PDE1C: variants seen among roughly 807,000 people sequenced by gnomAD.
PDE1C encodes phosphodiesterase 1C.
A neutral mutation model predicts 93.1 loss-of-function variants in PDE1C; 62 were observed. The observed-to-expected ratio is 0.67, with a 90% CI of 0.54 to 0.82. The LOEUF (loss-of-function observed/expected upper bound fraction) is 0.82, where lower values mean the gene tolerates loss of function less well. Ranked by LOEUF, PDE1C falls within the 40% of genes least tolerant of loss-of-function variation. The pLI is 0.00. For missense variants in PDE1C, 742 were observed against 884.6 expected (o/e 0.84, Z 2.04); for synonymous variants, 325 against 310.1 (o/e 1.05, Z -0.50).
the PDE1C span, among the ~76,000 whole-genome samples, chr7:31,625,714 T>G: frequency 6.6e-6 from 1 of 152,126 alleles, no homozygotes; most frequent in Non-Finnish European, 1.5e-5. Context: ...ATGTCACATG[T>G]ATACATATGT....
rs182740793 is a variant in PDE1C at position 31,922,049 on chromosome 7, C to A, written c.129-41189G>T. Reference sequence around the variant, plus strand: ...TAGGTGGTAGAGATAAAATCCGAAACCTGTCAGCCTCCAAAACTCACCTCT... The same window carrying A: ...TAGGTGGTAGAGATAAAATCCGAAAACTGTCAGCCTCCAAAACTCACCTCT... On this transcript the variant is annotated intron_variant, in intron 2 of 17. Transcript: ENST00000396191. Among the ~76,000 whole-genome samples, 572 of 152,242 alleles carry A rather than the reference C, an allele frequency of 3.8e-3. 6 individuals are homozygous for A. Among genetic ancestry groups the A allele is most frequent in the African/African-American group, 0.013 (552 of 41,558 alleles).
At chr7:32,361,729 C>T (rs1868773) in intron 1 of PDE1C, among the ~76,000 whole-genome samples, 12,616 of 152,202 alleles carry the variant, frequency 0.083, 590 homozygotes, top group African/African-American at 0.12. Flanking sequence ...TCCCCTGGCA[C>T]TTTGTACATC....
At chr7:32,293,886 G>C (rs1293116944) in intron 1 of PDE1C, among the ~76,000 whole-genome samples, 1 of 152,176 alleles carries the variant, frequency 6.6e-6, no homozygotes, top group South Asian at 2.1e-4. Context: ...CTGCCTGCTT[G>C]TCTAAGCAGG....
intron 3 of PDE1C, among the ~76,000 whole-genome samples, chr7:32,161,359 T>C (rs573372259): frequency 6.6e-6 from 1 of 152,310 alleles, no homozygotes; most frequent in Non-Finnish European, 1.5e-5. Context: ...ACACCCGTGA[T>C]CTCACTGCCA....
At chr7:31,738,433 G>T in the PDE1C span, among the ~76,000 whole-genome samples, 2 of 152,190 alleles carry the variant, frequency 1.3e-5, no homozygotes, top group Non-Finnish European at 2.9e-5. Context: ...TAGATCTCCC[G>T]AGACTTATTC....
At chr7:31,716,854 T>C in the PDE1C span, among the ~76,000 whole-genome samples, 37 of 152,304 alleles carry the variant, frequency 2.4e-4, 1 homozygote, top group East Asian at 4.8e-3. Context: ...GTGGGCATGT[T>C]GACACTGCCA....
chr7:31,794,042 A>G lies in PDE1C; in HGVS notation c.1891+14989T>C, dbSNP rs774789388. ...TAGATAGATAGATAGATAGATAGAT[A>G]GACAGACAGACAGACAGACAGACAG... is the stretch of plus-strand genomic sequence containing the variant. On this transcript the variant is annotated intron_variant, in intron 16 of 17. Transcript: ENST00000396191. 3.7e-3 allele frequency among the ~76,000 whole-genome samples: 317 copies of G among 84,562 alleles called. 2 individuals carry two copies. The highest frequency in any genetic ancestry group is 6.5e-3 in the African/African-American group (121 of 18,602). 55.5% of individuals were successfully genotyped at this position (84,562 alleles called of 152,430 possible).
chr7:31,696,146 A>G, the PDE1C span: 1 of 152,332 alleles, frequency 6.6e-6, no homozygotes, highest in Non-Finnish European at 1.5e-5. Flanking sequence ...AACAGCTAAC[A>G]TGTCTCTGTA....
At chr7:32,012,775 G>A (rs939269656) in intron 2 of PDE1C, among the ~76,000 whole-genome samples, 1 of 152,136 alleles carries the variant, frequency 6.6e-6, no homozygotes, top group African/African-American at 2.4e-5. Context: ...CAATAAAGCT[G>A]ATTTTAAAAT....
intron 1 of PDE1C, among the ~76,000 whole-genome samples, chr7:32,250,409 G>T (rs893844613): frequency 1.3e-4 from 20 of 152,110 alleles, no homozygotes; most frequent in Non-Finnish European, 4.4e-5. Flanking sequence ...ACCTGGGGAG[G>T]GAGCCTGTTA....
chr7:32,332,649 G>A (rs1440353214), intron 1 of PDE1C, among the ~76,000 whole-genome samples: 2 of 152,110 alleles, frequency 1.3e-5, no homozygotes, highest in South Asian at 2.1e-4. Flanking sequence ...CTATCCACAA[G>A]AGAATGAATA....
chr7:32,055,893 T>C (rs1206988699), intron 1 of PDE1C, among the ~76,000 whole-genome samples: 3 of 152,132 alleles, frequency 2.0e-5, no homozygotes, highest in African/African-American at 7.2e-5. Context: ...CTAAGTTTTG[T>C]ATTTTTAGTA....
intron 1 of PDE1C, among the ~76,000 whole-genome samples, chr7:32,416,573 A>G (rs890806848): frequency 3.3e-5 from 5 of 152,172 alleles, no homozygotes; most frequent in Admixed American, 1.3e-4. Context: ...ATACAATTTC[A>G]TCAGCTAGCC....
At position 32,192,173 on chromosome 7, in the gene PDE1C, T is replaced by C. The variant is rs191777619; in HGVS notation, c.136+17316A>G. On this transcript the variant is annotated intron_variant, in intron 2 of 18. Coordinates refer to the PDE1C transcript ENST00000396193. ...TATCCCACCTTGTAGAATGTCTTTT[T>C]ATCCTAACAAAATCTTTCACAGAAC... is the stretch of plus-strand genomic sequence containing the variant. Among the ~76,000 whole-genome samples, 17 of 152,336 alleles carry C rather than the reference T, an allele frequency of 1.1e-4. No homozygotes were observed. In the East Asian group the frequency reaches 2.7e-3, roughly 24 times the overall value.
intron 2 of PDE1C, among the ~76,000 whole-genome samples, chr7:31,979,809 A>C (rs1471861368): frequency 6.6e-6 from 1 of 152,236 alleles, no homozygotes; most frequent in Non-Finnish European, 1.5e-5. Flanking sequence ...AATTCACTGT[A>C]CCCAAGTACT....
the PDE1C span, among the ~76,000 whole-genome samples, chr7:31,730,901 A>C: frequency 3.3e-5 from 5 of 152,140 alleles, no homozygotes; most frequent in Non-Finnish European, 5.9e-5. Flanking sequence ...AGCACACTGC[A>C]GACAAAGGAA....
At chr7:32,410,460 G>A (rs7457071) in intron 1 of PDE1C, among the ~76,000 whole-genome samples, 75,691 of 151,728 alleles carry the variant, frequency 0.5, 21,329 homozygotes, top group Non-Finnish European at 0.64. Flanking sequence ...GGAGGAAGAG[G>A]AAGGAAACGA....
At chr7:31,893,788 GC>G (rs1201193460) in intron 2 of PDE1C, among the ~76,000 whole-genome samples, 1 of 151,950 alleles carries the variant, frequency 6.6e-6, no homozygotes, top group Non-Finnish European at 1.5e-5. Context: ...CACTCCACTT[GC>G]CCCAAACAAC....
chr7:31,916,320 A>AAGTG, intron 2 of PDE1C, among the ~76,000 whole-genome samples: 1 of 152,320 alleles, frequency 6.6e-6, no homozygotes, highest in East Asian at 1.9e-4. Flanking sequence ...CTCAGGCTGT[A>AAGTG]AGTGATTGTC....
Sources: gnomAD v4.1 joint callset for allele counts (sites outside exome capture counted in the v4.1 genomes callset) on GRCh38, gnomAD v4.1.1 for gene constraint, MANE v1.5 for transcripts, NCBI Gene and HGNC (gene_info 2026-07-23, HGNC 2026-07-21) for gene names.